The following PXMP4 variants were observed in gnomAD, a reference collection of about 807,000 sequenced individuals.
PXMP4 encodes peroxisomal membrane protein 4.
Under a neutral mutation model 21.6 loss-of-function variants are expected in PXMP4, and 16 were observed. The observed-to-expected ratio is 0.74, with a 90% CI of 0.50 to 1.13. The LOEUF (loss-of-function observed/expected upper bound fraction) is 1.13. Ranked by LOEUF, PXMP4 falls within the 50% of genes most tolerant of loss-of-function variation. The pLI is 0.00. For synonymous variants in PXMP4, 127 were observed against 123.8 expected (o/e 1.03, Z -0.17); for missense variants, 240 against 277.7 (o/e 0.86, Z 0.96).
chr20:33,714,856 G>T, intron 1 of PXMP4, 120 bp from the exon 2 acceptor site: 2 of 959,614 alleles, frequency 2.1e-6, no homozygotes, highest in South Asian at 1.4e-5. Flanking sequence ...CTTTGGGAGG[G>T]GAAATCATGC....
At chr20:33,712,819 C>T (rs757714568) in intron 2 of PXMP4, among the ~76,000 whole-genome samples, 8 of 152,150 alleles carry the variant, frequency 5.3e-5, no homozygotes, top group Admixed American at 4.6e-4. Context: ...TTAGTAGAGA[C>T]GGGGTTTCAC....
rs1025024614 is a variant in PXMP4 at position 33,703,857 on chromosome 20, A to C, written c.*3849T>G. The C allele has an allele frequency of 8.5e-5, 13 of 152,306 alleles. No homozygotes were observed. Among genetic ancestry groups the C allele is most frequent in the African/African-American group, 3.1e-4 (13 of 41,450 alleles). 9.4% of individuals were successfully genotyped at this position (152,306 alleles called of 1,614,324 possible). On this transcript the variant is annotated 3_prime_UTR_variant, in exon 4 of 4. Coordinates refer to ENST00000409299, the MANE Select transcript of PXMP4 (RefSeq NM_007238.5). ...GCACCAGTGACAAGCTAGAGTCCTC[A>C]GGCAGAAAGACAGAGGGGCGGCCAC...
At chr20:33,714,237 A>C (rs935486333) in intron 2 of PXMP4, among the ~76,000 whole-genome samples, 5 of 152,200 alleles carry the variant, frequency 3.3e-5, no homozygotes, top group African/African-American at 4.8e-5. Context: ...TAATGGGATC[A>C]GAGTTGGACT....
intron 3 of PXMP4, among the ~76,000 whole-genome samples, chr20:33,708,836 G>A (rs2018292281): frequency 1.3e-5 from 2 of 152,026 alleles, no homozygotes; most frequent in Admixed American, 1.3e-4. Flanking sequence ...GACTACAGGT[G>A]TGCGCCACCA....
chr20:33,719,364 C>A (rs2018422351), intron 1 of PXMP4, among the ~76,000 whole-genome samples: 1 of 152,184 alleles, frequency 6.6e-6, no homozygotes, highest in Non-Finnish European at 1.5e-5. Flanking sequence ...CCCACCATCC[C>A]ACGTTGCCAC....
rs1319337144 is a variant in PXMP4, at chr20:33,714,700, G to C, written c.150C>G (p.Val50=). The change falls in exon 2 of 4, where the codon GTC becomes GTG. Residue 50 remains valine (V), a synonymous_variant. Transcript: ENST00000409299. The part of the protein sequence containing the change: ...GAKIRAPHAL[V]MTFLFRNGSL... ...TGCCATTCCGGAAGAGAAAGGTCAT[G>C]ACCAGCGCGTGAGGGGCCCGGATTT... 6.2e-7 allele frequency: 1 copy of C among 1,614,118 alleles called. No individual in the cohort carries two copies. Among genetic ancestry groups the C allele is most frequent in the Non-Finnish European group, 8.5e-7 (1 of 1,180,004 alleles).
chr20:33,718,921 A>G (rs1211758704), intron 1 of PXMP4, among the ~76,000 whole-genome samples: 3 of 152,084 alleles, frequency 2.0e-5, no homozygotes, highest in Non-Finnish European at 4.4e-5. Context: ...TTTGAGATGG[A>G]GTTTCACTCT....
Position 33,710,795 on chromosome 20 carries a change from C to G in PXMP4, c.177-42G>C, listed in dbSNP as rs369329951. 3.9e-6 allele frequency: 6 copies of G among 1,528,576 alleles called. No homozygotes were observed. In the East Asian group the frequency reaches 1.4e-4, roughly 36 times the overall value. 94.7% of individuals were successfully genotyped at this position (1,528,576 alleles called of 1,614,324 possible). On this transcript the variant is annotated intron_variant, in intron 2 of 3. Coordinates refer to ENST00000409299, the MANE Select transcript of PXMP4 (RefSeq NM_007238.5). Reference sequence around the variant, plus strand: ...GCCCCTGCCATGAGTGCAGGCTCAGCAGCCCCAAAGGGCTTTTACGCACTG... The same window carrying G: ...GCCCCTGCCATGAGTGCAGGCTCAGGAGCCCCAAAGGGCTTTTACGCACTG...
At chr20:33,714,828 T>G (rs2018367722) in intron 1 of PXMP4, 92 bp from the exon 2 acceptor site, 5 of 1,255,914 alleles carry the variant, frequency 4.0e-6, no homozygotes, top group Non-Finnish European at 5.8e-6. Context: ...TCTCCCCCCA[T>G]CCCAAATTCT....
chr20:33,717,130 A>T (rs1253436276), intron 1 of PXMP4, among the ~76,000 whole-genome samples: 1 of 152,090 alleles, frequency 6.6e-6, no homozygotes, highest in African/African-American at 2.4e-5. Context: ...GCGAGTTAAG[A>T]TCGTGCCACT....
At chr20:33,713,382 G>C (rs1214826150) in intron 2 of PXMP4, among the ~76,000 whole-genome samples, 1 of 152,132 alleles carries the variant, frequency 6.6e-6, no homozygotes, top group African/African-American at 2.4e-5. Context: ...TCTCCTTCAA[G>C]TCTTTACTCC....
Position 33,707,835 on chromosome 20 carries a change from GAGCCACAGCACC to G in PXMP4, c.498_509del (p.Val167_Leu170del). On this transcript the variant is annotated inframe_deletion, in exon 4 of 4. Coordinates refer to ENST00000409299, the MANE Select transcript of PXMP4 (RefSeq NM_007238.5). ...GCAGGGTGGATCGGTGATACTCAAA[GAGCCACAGCACC>G]AGCCCCCACACCACCGCAGTGAGCA... is the stretch of plus-strand genomic sequence containing the variant. 6.2e-7 allele frequency: 1 copy of G among 1,614,168 alleles called. No homozygotes were observed. The highest frequency in any genetic ancestry group is 8.5e-7 in the Non-Finnish European group (1 of 1,180,036).
At chr20:33,708,005 A>G (rs2018281432) in intron 3 of PXMP4, 36 bp from the exon 4 acceptor site, 1 of 1,580,268 alleles carries the variant, frequency 6.3e-7, no homozygotes, top group South Asian at 1.1e-5. Context: ...ACTGGTGATC[A>G]ATAGTGATGT....
chr20:33,720,040 C>T, intron 1 of PXMP4, 55 bp downstream of exon 1: 1 of 1,559,922 alleles, frequency 6.4e-7, no homozygotes. Flanking sequence ...ACTCGCGCCT[C>T]TGACCCCAGG....
chr20:33,719,908 T>C (rs574835296), intron 1 of PXMP4, among the ~76,000 whole-genome samples, 187 bp downstream of exon 1: 4 of 152,136 alleles, frequency 2.6e-5, no homozygotes, highest in South Asian at 4.2e-4. Context: ...GGAGCCCCAG[T>C]TCAGAGCTGG....
intron 1 of PXMP4, among the ~76,000 whole-genome samples, chr20:33,716,446 G>A (rs1299656218): frequency 2.6e-5 from 4 of 152,122 alleles, no homozygotes; most frequent in African/African-American, 7.2e-5. Flanking sequence ...TCAGCCTTCC[G>A]GTCTCAGCTG....
chr20:33,716,159 T>C (rs2018381895), intron 1 of PXMP4, among the ~76,000 whole-genome samples: 1 of 152,176 alleles, frequency 6.6e-6, no homozygotes, highest in African/African-American at 2.4e-5. Context: ...AGTCTCATCT[T>C]TTAAAAACAT....
In PXMP4 at chr20:33,704,799, T is replaced by G. The variant is rs1396833322; in HGVS notation, c.*2907A>C. On this transcript the variant is annotated 3_prime_UTR_variant, in exon 4 of 4. Transcript: ENST00000409299. ...ACTCTCAGGCCCCACCCCAGCTCAC[T>G]GAATCAGAAGCTGCATTTTAATAAG... The G allele has an allele frequency of 6.6e-6, 1 of 152,190 alleles. No homozygotes were observed. The highest frequency in any genetic ancestry group is 1.9e-4 in the East Asian group (1 of 5,196). The allele number at this position is 152,190 out of a possible 1,614,324, so 9.4% of individuals were successfully genotyped here. A position where few individuals can be genotyped will look rare whatever the true frequency, so the allele number is the denominator to read the frequency against.
Position 33,710,759 on chromosome 20 carries a change from C to A in PXMP4, c.177-6G>T, listed in dbSNP as rs899531310. The A allele has an allele frequency of 3.8e-6, 6 of 1,590,812 alleles. No homozygotes were observed. In the African/African-American group the frequency reaches 6.7e-5, roughly 18 times the overall value. On this transcript the variant is annotated splice_polypyrimidine_tract_variant and splice_region_variant and intron_variant, in intron 2 of 3. Coordinates refer to ENST00000409299, the MANE Select transcript of PXMP4 (RefSeq NM_007238.5). ...CCCACAGCTTCTCCTGGAGGCTGCACAAACACAGGTGCCCCTGCCATGAGT... is the reference window on the plus strand; with the variant it reads ...CCCACAGCTTCTCCTGGAGGCTGCAAAAACACAGGTGCCCCTGCCATGAGT...
Sources: allele counts gnomAD v4.1 joint callset (sites outside exome capture counted in the v4.1 genomes callset), GRCh38; gene constraint gnomAD v4.1.1; transcripts MANE v1.5; gene names NCBI Gene and HGNC (gene_info 2026-07-23, HGNC 2026-07-21).